CEP170: variants seen among roughly 807,000 people sequenced by gnomAD.
CEP170 encodes the protein centrosomal protein 170, also known as centrosomal protein of 170 kDa.
A neutral mutation model predicts 151.9 loss-of-function variants in CEP170; 21 were observed. That is an observed-to-expected ratio of 0.14 (90% CI 0.10 to 0.20). The LOEUF (loss-of-function observed/expected upper bound fraction) is 0.20, where lower values mean the gene tolerates loss of function less well. Among genes scored for constraint, CEP170 ranks in the 10% least tolerant of loss-of-function variants. The probability of loss-of-function intolerance (pLI) is 1.00; values close to 1 mark genes in which losing one functional copy is unlikely to be tolerated. For missense variants in CEP170, 964 were observed against 1,892.9 expected, an observed-to-expected ratio of 0.51 and a Z score of 9.11; for synonymous variants, 356 against 648.8, an observed-to-expected ratio of 0.55 and a Z score of 6.86.
chr1:243,165,741 A>G lies in CEP170; in HGVS notation c.2219T>C (p.Leu740Ser). Residue 740 changes from leucine to serine, a missense_variant, in exon 13 of 20, where the codon TTG (leucine) becomes TCG (serine). By Grantham distance (145) the Leu-to-Ser change is moderately radical. Coordinates refer to ENST00000366542, the MANE Select transcript of CEP170 (RefSeq NM_014812.3). ...EKSETDKETS[L>S]VKQTLAKLQQ... ...AAGTTTTGCTAATGTTTGCTTTACCAAAGAAGTTTCCTTATCAGTTTCACT... is the reference window on the plus strand; with the variant it reads ...AAGTTTTGCTAATGTTTGCTTTACCGAAGAAGTTTCCTTATCAGTTTCACT... 2 of 1,614,084 alleles carry G rather than the reference A, an allele frequency of 1.2e-6. No homozygotes were observed. The highest frequency in any genetic ancestry group is 1.7e-6 in the Non-Finnish European group (2 of 1,179,902).
chr1:243,155,187 G>A lies in CEP170; in HGVS notation c.3911+1034C>T, dbSNP rs2789257. ...AAAGCAAAAATGTTTTAAGCAGCAC[G>A]ATGAGATTAGAAAGGCATGTTCTCT... is the stretch of plus-strand genomic sequence containing the variant. On this transcript the variant is annotated intron_variant, in intron 14 of 19. Transcript: ENST00000366542. Among the ~76,000 whole-genome samples, 17 of 152,236 alleles carry A rather than the reference G, an allele frequency of 1.1e-4. No individual in the cohort carries two copies. In the South Asian group the frequency reaches 2.7e-3, roughly 24 times the overall value.
intron 4 of CEP170, among the ~76,000 whole-genome samples, chr1:243,203,418 G>A (rs1405139771): frequency 6.6e-6 from 1 of 152,100 alleles, no homozygotes; most frequent in African/African-American, 2.4e-5. Flanking sequence ...GTAGGACTGT[G>A]GAAACTCCCC....
intron 1 of CEP170, among the ~76,000 whole-genome samples, chr1:243,249,956 G>A (rs1321324076): frequency 2.0e-5 from 3 of 152,060 alleles, no homozygotes; most frequent in Non-Finnish European, 2.9e-5. Context: ...CTGTAGTCCC[G>A]GCTACTCGGG....
intron 13 of CEP170, among the ~76,000 whole-genome samples, chr1:243,161,328 A>C (rs528461230): frequency 6.6e-6 from 1 of 152,246 alleles, no homozygotes; most frequent in Non-Finnish European, 1.5e-5. Flanking sequence ...GAAGCACTGA[A>C]AGAATGTTTT....
At chr1:243,138,011 T>C (rs1447033034) in intron 16 of CEP170, among the ~76,000 whole-genome samples, 2 of 151,896 alleles carry the variant, frequency 1.3e-5, no homozygotes, top group East Asian at 1.9e-4. Flanking sequence ...ATGGAAGACA[T>C]ATACAAATTA....
At chr1:243,208,364 T>TA (rs1264479287) in intron 4 of CEP170, among the ~76,000 whole-genome samples, 177 of 148,138 alleles carry the variant, frequency 1.2e-3, no homozygotes, top group Non-Finnish European at 1.7e-3. Flanking sequence ...TCACTCCGAT[T>TA]AAAAAAAAAC....
intron 14 of CEP170, among the ~76,000 whole-genome samples, chr1:243,145,649 C>T (rs1157912061): frequency 6.6e-6 from 1 of 152,152 alleles, no homozygotes; most frequent in Admixed American, 6.5e-5. Flanking sequence ...AGGATACACA[C>T]ATGAACCTCT....
At chr1:243,139,896 A>C in intron 16 of CEP170, 41 bp downstream of exon 16, 1 of 1,595,786 alleles carries the variant, frequency 6.3e-7, no homozygotes, top group Non-Finnish European at 8.6e-7. Context: ...CTTATGGAAT[A>C]TGCTGCTTCT....
At chr1:243,202,343 T>C (rs1341355661) in intron 4 of CEP170, among the ~76,000 whole-genome samples, 1 of 152,044 alleles carries the variant, frequency 6.6e-6, no homozygotes, top group Non-Finnish European at 1.5e-5. Flanking sequence ...AAACTACCTA[T>C]TGAGGTACAG....
At chr1:243,217,703 G>C (rs1306937206) in intron 3 of CEP170, among the ~76,000 whole-genome samples, 1 of 152,180 alleles carries the variant, frequency 6.6e-6, no homozygotes, top group East Asian at 1.9e-4. Context: ...CAAAGAGCCA[G>C]AGGAAAAATC....
chr1:243,144,287 C>A (rs1353853068), intron 14 of CEP170, among the ~76,000 whole-genome samples: 3 of 152,200 alleles, frequency 2.0e-5, no homozygotes, highest in African/African-American at 7.2e-5. Context: ...TCTTGTTCTA[C>A]AGATGAGGAA....
intron 14 of CEP170, among the ~76,000 whole-genome samples, chr1:243,146,813 C>T (rs1251932825): frequency 6.6e-6 from 1 of 152,250 alleles, no homozygotes; most frequent in East Asian, 1.9e-4. Context: ...AAAAAGTACA[C>T]GAATGCAGGC....
At chr1:243,252,892 T>A (rs1175339419) in intron 1 of CEP170, among the ~76,000 whole-genome samples, 1 of 152,036 alleles carries the variant, frequency 6.6e-6, no homozygotes, top group South Asian at 2.1e-4. Context: ...ATAAAAAACA[T>A]AAAGTTAATA....
intron 8 of CEP170, among the ~76,000 whole-genome samples, chr1:243,188,979 T>C (rs562885387): frequency 3.1e-4 from 47 of 152,290 alleles, no homozygotes; most frequent in African/African-American, 8.9e-4. Context: ...AAAAAATGAG[T>C]TATATTCACA....
At chr1:243,239,653 T>G (rs2064625293) in intron 1 of CEP170, among the ~76,000 whole-genome samples, 1 of 152,160 alleles carries the variant, frequency 6.6e-6, no homozygotes, top group Admixed American at 6.5e-5. Context: ...TCCCAAGACC[T>G]TTCATAGTGA....
chr1:243,239,176 T>C (rs1172114712), intron 1 of CEP170, among the ~76,000 whole-genome samples: 1 of 152,226 alleles, frequency 6.6e-6, no homozygotes, highest in Non-Finnish European at 1.5e-5. Context: ...ATTTAATTTT[T>C]AAAAAACAGA....
At chr1:243,172,914 A>G in intron 10 of CEP170, 68 bp from the exon 11 acceptor site, 1 of 1,382,374 alleles carries the variant, frequency 7.2e-7, no homozygotes, top group Non-Finnish European at 9.4e-7. Flanking sequence ...TGTGAATAGT[A>G]TAATTAACTT....
At chr1:243,178,308 CAAAAAAAAAAA>C (rs869094317) in intron 10 of CEP170, among the ~76,000 whole-genome samples, 6 of 30,422 alleles carry the variant, frequency 2.0e-4, no homozygotes, top group Middle Eastern at 0.022. Context: ...GACTCTGCCT[CAAAAAAAAAAA>C]AAAAAAAAAA....
intron 7 of CEP170, among the ~76,000 whole-genome samples, chr1:243,192,969 G>GA (rs2060406975): frequency 6.6e-6 from 1 of 152,056 alleles, no homozygotes; most frequent in South Asian, 2.1e-4. Flanking sequence ...TTTTCACTGT[G>GA]AAAAATTATC....
Sources: gnomAD v4.1 joint callset for allele counts (sites outside exome capture counted in the v4.1 genomes callset) on GRCh38, gnomAD v4.1.1 for gene constraint, MANE v1.5 for transcripts, NCBI Gene and HGNC (gene_info 2026-07-23, HGNC 2026-07-21) for gene names.